Variants in TRPM3 observed in about 807,000 individuals in gnomAD.
TRPM3 encodes transient receptor potential cation channel subfamily M member 3.
In TRPM3, 77 loss-of-function variants were observed where a neutral mutation model predicts 181.2. The observed-to-expected ratio is 0.42, with a 90% CI of 0.35 to 0.51. TRPM3 has a LOEUF of 0.51. Among genes scored for constraint, TRPM3 ranks in the 20% least tolerant of loss-of-function variants. TRPM3 has a pLI of 0.01. For synonymous variants in TRPM3, 745 were observed against 796.4 expected (o/e 0.94, Z 1.09); for missense variants, 1,759 against 2,196.7 (o/e 0.80, Z 3.98).
chr9:71,217,240 G>A (rs1409513105), intron 1 of TRPM3, among the ~76,000 whole-genome samples: 3 of 151,650 alleles, frequency 2.0e-5, no homozygotes, highest in East Asian at 3.9e-4. Context: ...GTGAGCCACC[G>A]CGCCCGGCCC....
At chr9:70,676,714 A>C (rs1231012875) in intron 9 of TRPM3, among the ~76,000 whole-genome samples, 1 of 152,202 alleles carries the variant, frequency 6.6e-6, no homozygotes, top group Non-Finnish European at 1.5e-5. Flanking sequence ...GTTGGGGCTC[A>C]GAAAAATGAT....
At chr9:70,594,651 G>A (rs1418835886) in intron 21 of TRPM3, among the ~76,000 whole-genome samples, 2 of 152,144 alleles carry the variant, frequency 1.3e-5, no homozygotes, top group Non-Finnish European at 2.9e-5. Flanking sequence ...TTTCCATGCT[G>A]TGAGGCATTT....
chr9:70,628,616 G>C (rs1294933453), intron 12 of TRPM3, among the ~76,000 whole-genome samples: 1 of 152,062 alleles, frequency 6.6e-6, no homozygotes, highest in Non-Finnish European at 1.5e-5. Flanking sequence ...GAGCTCAGGA[G>C]TTTGAGACCA....
At chr9:71,420,578 AAG>A (rs1302224806) in intron 1 of TRPM3, among the ~76,000 whole-genome samples, 2 of 150,334 alleles carry the variant, frequency 1.3e-5, no homozygotes, top group Non-Finnish European at 3.0e-5. Context: ...AGAGAAGAGA[AAG>A]AGAAAGAAAA....
chr9:70,738,694 GC>G (rs538540033), intron 8 of TRPM3, among the ~76,000 whole-genome samples: 3 of 152,076 alleles, frequency 2.0e-5, no homozygotes, highest in Non-Finnish European at 4.4e-5. Flanking sequence ...GAAACAAAAA[GC>G]TAGTTCTTTG....
In TRPM3 at chr9:70,576,571, A is replaced by G. The variant is rs145381727; in HGVS notation, c.3223+14460T>C. ...GCTCGGTCGCCCAGACTAGAGTGCA[A>G]TGGTGCGATCTCGGCTCACTGCAAC... On this transcript the variant is annotated intron_variant, in intron 22 of 25. Transcript: ENST00000677713. 5.3e-3 allele frequency among the ~76,000 whole-genome samples: 792 copies of G among 150,430 alleles called. 8 individuals carry two copies. Among genetic ancestry groups the G allele is most frequent in the Non-Finnish European group, 7.2e-3 (489 of 67,760 alleles).
intron 7 of TRPM3, among the ~76,000 whole-genome samples, chr9:70,764,180 A>G (rs1235511248): frequency 1.3e-5 from 2 of 152,180 alleles, no homozygotes; most frequent in African/African-American, 4.8e-5. Flanking sequence ...GCATGATCAC[A>G]TTTGTGTTGC....
At chr9:71,106,076 T>C (rs570752436) in intron 1 of TRPM3, among the ~76,000 whole-genome samples, 2 of 152,294 alleles carry the variant, frequency 1.3e-5, no homozygotes, top group East Asian at 3.9e-4. Context: ...GGATACCTGT[T>C]AGCAGCTTTT....
At chr9:70,616,157 A>G (rs1402914112) in intron 17 of TRPM3, 82 bp from the exon 18 acceptor site, 1 of 1,114,474 alleles carries the variant, frequency 9.0e-7, no homozygotes, top group African/African-American at 1.6e-5. Context: ...AGAGAGCCTG[A>G]GGTATGGGGT....
rs1563912471 is a variant in TRPM3, at chr9:71,420,982, AG to A, written c.183+25670del. Among the ~76,000 whole-genome samples the A allele has an allele frequency of 6.7e-4, 72 of 107,224 alleles. 2 individuals are homozygous for A. The highest frequency in any genetic ancestry group is 2.1e-3 in the South Asian group (7 of 3,330). 70.3% of individuals were successfully genotyped at this position (107,224 alleles called of 152,430 possible). A position where few individuals can be genotyped will look rare whatever the true frequency, so the allele number is the denominator to read the frequency against. ...GAGAAAAAGGGAGAGAAAAAGAGAG[AG>A]AAAAAGAGAGAGAAAAAGAGAGAAA... On this transcript the variant is annotated intron_variant, in intron 1 of 24. Coordinates refer to the TRPM3 transcript ENST00000357533.
chr9:71,446,808 C>T (rs761343745), exon 1 of TRPM3: 4 of 1,548,874 alleles, frequency 2.6e-6, no homozygotes, highest in Non-Finnish European at 8.7e-7. Flanking sequence ...CGCTCCATTT[C>T]CGCCGCATCC....
At chr9:71,261,366 G>A (rs377159603) in intron 1 of TRPM3, among the ~76,000 whole-genome samples, 3 of 152,242 alleles carry the variant, frequency 2.0e-5, no homozygotes. Flanking sequence ...GGTCATTTAT[G>A]TTCTTCTTTA....
chr9:70,868,568 T>A (rs1338070636), intron 1 of TRPM3, among the ~76,000 whole-genome samples: 1 of 151,984 alleles, frequency 6.6e-6, no homozygotes, highest in Non-Finnish European at 1.5e-5. Context: ...AGCTATCGAA[T>A]CAAGTTCTCC....
At chr9:70,974,912 G>A (rs1001070667) in intron 1 of TRPM3, among the ~76,000 whole-genome samples, 2 of 134,878 alleles carry the variant, frequency 1.5e-5, no homozygotes, top group Admixed American at 8.5e-5. Context: ...GTCACGCCCA[G>A]GCTGGAGTGC....
chr9:71,067,644 T>C (rs2062104996), intron 1 of TRPM3, among the ~76,000 whole-genome samples: 1 of 152,200 alleles, frequency 6.6e-6, no homozygotes, highest in Non-Finnish European at 1.5e-5. Flanking sequence ...GAAAATCAAA[T>C]GAGTTAATAT....
intron 1 of TRPM3, among the ~76,000 whole-genome samples, chr9:71,407,898 C>T (rs1365726475): frequency 1.3e-5 from 2 of 152,204 alleles, no homozygotes; most frequent in African/African-American, 4.8e-5. Context: ...CAGGCAGCAA[C>T]ATTTGCTGTT....
intron 22 of TRPM3, among the ~76,000 whole-genome samples, chr9:70,571,550 G>A (rs1205152417): frequency 1.3e-5 from 2 of 152,048 alleles, no homozygotes; most frequent in Non-Finnish European, 2.9e-5. Context: ...TGAACCATAT[G>A]CACTTTTTGA....
rs144910157 is a variant in TRPM3, at chr9:71,331,663, AGAGGAG to A, written c.183+114984_183+114989del. ...AGGAGGAGGAAGAAGAGGAGAGGGA[AGAGGAG>A]GAGGAGGAGGAGGGAGAGGAGAAGG... On this transcript the variant is annotated intron_variant, in intron 1 of 24. Coordinates refer to the TRPM3 transcript ENST00000357533. Among the ~76,000 whole-genome samples the A allele has an allele frequency of 1.1e-3, 132 of 122,640 alleles. 1 individual carries two copies. Among genetic ancestry groups the A allele is most frequent in the Admixed American group, 3.0e-3 (38 of 12,580 alleles). 80.5% of individuals were successfully genotyped at this position (122,640 alleles called of 152,430 possible).
chr9:71,079,418 A>T (rs1190888666), intron 1 of TRPM3, among the ~76,000 whole-genome samples: 1 of 152,188 alleles, frequency 6.6e-6, no homozygotes, highest in South Asian at 2.1e-4. Context: ...TGCTGTAATA[A>T]AGACCAGGCC....
Sources: gnomAD v4.1 joint callset for allele counts (sites outside exome capture counted in the v4.1 genomes callset) on GRCh38, gnomAD v4.1.1 for gene constraint, MANE v1.5 for transcripts, NCBI Gene and HGNC (gene_info 2026-07-23, HGNC 2026-07-21) for gene names.